The following RPS7 variants were observed in gnomAD, a reference collection of about 807,000 sequenced individuals.
The protein encoded by RPS7 is ribosomal protein S7.
RPS7 carries 1 observed loss-of-function variant against 22.1 expected under a neutral mutation model. That is an observed-to-expected ratio of 0.05 (90% CI 0.02 to 0.21). The LOEUF (loss-of-function observed/expected upper bound fraction) is 0.21, where lower values mean the gene tolerates loss of function less well. Among genes scored for constraint, RPS7 ranks in the 10% least tolerant of loss-of-function variants. The probability of loss-of-function intolerance (pLI) is 1.00; values close to 1 mark genes in which losing one functional copy is unlikely to be tolerated. For synonymous variants in RPS7, 80 were observed against 92.0 expected (o/e 0.87, Z 0.74); for missense variants, 137 against 246.4 (o/e 0.56, Z 2.97).
intron 4 of RPS7, chr2:3,577,025 T>C (rs62106035): frequency 0.063 from 18,421 of 290,774 alleles, 698 homozygotes; most frequent in South Asian, 0.097. Context: ...GTTGCTTACA[T>C]AGATGATCAA....
chr2:3,576,714 T>C (rs920627259), intron 4 of RPS7, 84 bp downstream of exon 4: 4 of 1,441,756 alleles, frequency 2.8e-6, no homozygotes, highest in Non-Finnish European at 2.9e-6. Context: ...GTAGTTGGAG[T>C]CATGAAAACA....
intron 6 of RPS7, chr2:3,580,468 C>G (rs531064218): frequency 1.5e-6 from 1 of 670,862 alleles, no homozygotes; most frequent in South Asian, 1.7e-5. Flanking sequence ...ATTCTCTGTA[C>G]CTTTTGGAAG....
At chr2:3,576,147 C>T in intron 3 of RPS7, 1 of 597,340 alleles carries the variant, frequency 1.7e-6, no homozygotes, top group Non-Finnish European at 3.0e-6. Flanking sequence ...CATTTCGGAC[C>T]TTATTTGCCC....
In RPS7 at chr2:3,577,609, C is replaced by G. The variant is rs1661311831; in HGVS notation, c.292-101C>G. 3 of 857,050 alleles carry G rather than the reference C, an allele frequency of 3.5e-6. No individual in the cohort carries two copies. The Admixed American group carries it at 5.9e-5, about 17-fold the overall frequency. 53.1% of individuals were successfully genotyped at this position (857,050 alleles called of 1,614,324 possible). On this transcript the variant is annotated intron_variant, in intron 4 of 6. Coordinates refer to ENST00000645674, the MANE Select transcript of RPS7 (RefSeq NM_001011.4). ...TTAGCCTTCTCGAACTTTGAACTTACCCTGCCATTCTTCTTGCTTTTAAAG... is the reference window on the plus strand; with the variant it reads ...TTAGCCTTCTCGAACTTTGAACTTAGCCTGCCATTCTTCTTGCTTTTAAAG...
intron 4 of RPS7, chr2:3,577,487 C>T (rs1183235112): frequency 1.2e-5 from 7 of 569,988 alleles, no homozygotes; most frequent in Admixed American, 6.3e-5. Context: ...TGTCCACTGG[C>T]GTATTAGTAG....
intron 3 of RPS7, chr2:3,576,113 C>G: frequency 3.3e-6 from 2 of 612,358 alleles, no homozygotes; most frequent in Non-Finnish European, 5.8e-6. Flanking sequence ...GGTGGAGAAA[C>G]GTGGAGTAGG....
rs1661389342 is a variant in RPS7, at chr2:3,580,786, A to C, written c.508-19A>C. On this transcript the variant is annotated intron_variant, in intron 6 of 6. Transcript: ENST00000645674. ...TGTGTATTTCAAAGTTCTGTGATGA[A>C]TTCTTTCTTTTCTTGTAGGTTGAAA... is the stretch of plus-strand genomic sequence containing the variant. The C allele has an allele frequency of 1.3e-6, 2 of 1,490,066 alleles. No homozygotes were observed. Among genetic ancestry groups the C allele is most frequent in the African/African-American group, 2.8e-5 (2 of 72,476 alleles). 92.3% of individuals were successfully genotyped at this position (1,490,066 alleles called of 1,614,324 possible).
At chr2:3,576,408 GTCT>G (rs1661281056) in intron 3 of RPS7, 76 bp from the exon 4 acceptor site, 12 of 1,254,342 alleles carry the variant, frequency 9.6e-6, no homozygotes, top group East Asian at 4.6e-5. Flanking sequence ...TAGTGATAAG[GTCT>G]TCTTATCCTC....
At chr2:3,579,839 T>C in intron 5 of RPS7, 2 of 552,852 alleles carry the variant, frequency 3.6e-6, no homozygotes, top group Admixed American at 3.1e-5. Flanking sequence ...AGATGGTCAC[T>C]CATTGCCTTG....
In RPS7 at chr2:3,580,884, C is replaced by G. The variant is rs773757917; in HGVS notation, c.*2C>G. 6.1e-6 allele frequency: 9 copies of G among 1,477,514 alleles called. No individual in the cohort carries two copies. The highest frequency in any genetic ancestry group is 8.5e-6 in the Non-Finnish European group (9 of 1,061,684). 91.5% of individuals were successfully genotyped at this position (1,477,514 alleles called of 1,614,324 possible). A position where few individuals can be genotyped will look rare whatever the true frequency, so the allele number is the denominator to read the frequency against. On this transcript the variant is annotated 3_prime_UTR_variant, in exon 7 of 7. Transcript: ENST00000645674. ...GAATTCCCAGAGTTTCAATTGTAAA[C>G]AAAAATGACTAAATAAAAAGTATAT... is the stretch of plus-strand genomic sequence containing the variant.
chr2:3,576,730 T>C (rs1482580296), intron 4 of RPS7, 100 bp downstream of exon 4: 12 of 1,352,054 alleles, frequency 8.9e-6, no homozygotes, highest in Non-Finnish European at 1.2e-5. Flanking sequence ...AAACAATCCT[T>C]TTATGAATCC....
intron 6 of RPS7, 138 bp downstream of exon 6, chr2:3,580,398 T>A: frequency 1.3e-6 from 1 of 775,866 alleles, no homozygotes; most frequent in Non-Finnish European, 2.3e-6. Flanking sequence ...TTCAGCCTGC[T>A]CTCCTTTGGA....
chr2:3,575,937 C>T, intron 3 of RPS7, 49 bp downstream of exon 3: 1 of 1,355,306 alleles, frequency 7.4e-7, no homozygotes, highest in Non-Finnish European at 1.0e-6. Flanking sequence ...CGCGTCTCCC[C>T]GCGCAGTGCC....
In RPS7 at chr2:3,575,937, C is replaced by G. The variant is rs1472908529; in HGVS notation, c.147+49C>G. ...GGAGGGAGGTTGCGGCGCGTCTCCC[C>G]GCGCAGTGCCTGAGAGGGTTGGACC... On this transcript the variant is annotated intron_variant, in intron 3 of 6. Transcript: ENST00000645674. 3 of 1,355,306 alleles carry G rather than the reference C, an allele frequency of 2.2e-6. No individual in the cohort carries two copies. The South Asian group carries it at 3.6e-5, about 16-fold the overall frequency. The allele number at this position is 1,355,306 out of a possible 1,614,324, so 84.0% of individuals were successfully genotyped here.
At chr2:3,575,567 G>A (rs935283879) in intron 1 of RPS7, 25 bp from the exon 2 acceptor site, 1 of 1,569,288 alleles carries the variant, frequency 6.4e-7, no homozygotes, top group Non-Finnish European at 8.8e-7. Context: ...CCCGGGCCGC[G>A]TAACGCTGAC....
At chr2:3,578,577 T>A (rs945370811) in intron 5 of RPS7, 1 of 151,956 alleles carries the variant, frequency 6.6e-6, no homozygotes, top group African/African-American at 2.4e-5. Context: ...GTGTTGGGAG[T>A]CTGGTAATGT....
intron 6 of RPS7, 62 bp from the exon 7 acceptor site, chr2:3,580,743 A>G (rs976684410): frequency 9.8e-7 from 1 of 1,023,970 alleles, no homozygotes; most frequent in Non-Finnish European, 1.6e-6. Context: ...TCACGAAACT[A>G]TTAGGTTTTA....
chr2:3,575,413 G>A, intron 1 of RPS7, 63 bp downstream of exon 1: 1 of 592,876 alleles, frequency 1.7e-6, no homozygotes, highest in Non-Finnish European at 3.0e-6. Context: ...ACGCCTTTTG[G>A]AGTCAGGCCC....
At chr2:3,575,972 G>T (rs1402480848) in intron 3 of RPS7, 84 bp downstream of exon 3, 13 of 1,011,916 alleles carry the variant, frequency 1.3e-5, no homozygotes, top group Non-Finnish European at 2.0e-5. Flanking sequence ...CTGGGTTACG[G>T]TTGATGATGA....
Sources: gnomAD v4.1 joint callset for allele counts on GRCh38, gnomAD v4.1.1 for gene constraint, MANE v1.5 for transcripts, NCBI Gene and HGNC (gene_info 2026-07-23, HGNC 2026-07-21) for gene names.